Variants in MON2 observed in about 807,000 individuals in gnomAD.
MON2 encodes MON2 regulator of endosome-to-Golgi trafficking.
Under a neutral mutation model 208.6 loss-of-function variants are expected in MON2, and 84 were observed. That is an observed-to-expected ratio of 0.40 (90% CI 0.34 to 0.48). The LOEUF (loss-of-function observed/expected upper bound fraction) is 0.48. Ranked by LOEUF, MON2 falls within the 20% of genes least tolerant of loss-of-function variation. The pLI, the probability that MON2 is intolerant of heterozygous loss-of-function variation, is 0.59. For missense variants in MON2, 1,611 were observed against 2,015.4 expected (o/e 0.80, Z 3.84); for synonymous variants, 660 against 694.0 (o/e 0.95, Z 0.77).
At chr12:62,577,605 A>C (rs1202459442) in intron 30 of MON2, among the ~76,000 whole-genome samples, 1 of 152,074 alleles carries the variant, frequency 6.6e-6, no homozygotes. Context: ...TTGTGGCCTC[A>C]TCATTTACTT....
chr12:62,468,171 AC>A (rs1592782776), intron 1 of MON2, among the ~76,000 whole-genome samples: 2 of 150,874 alleles, frequency 1.3e-5, no homozygotes, highest in Admixed American at 6.6e-5. Context: ...AAAAAAACAA[AC>A]AAAAAAACCC....
rs1412880320 is a variant in MON2 at position 62,534,540 on chromosome 12, A to ATATATATATATATT, written c.1634-305_1634-304insTATATATATATATT. ...TCGCAAAAAAAAAAAAAAAAAAAAAAAAATATATATATATATATATATATA... is the reference window on the plus strand; with the variant it reads ...TCGCAAAAAAAAAAAAAAAAAAAAAATATATATATATATTAAATATATATATATATATATATATA... On this transcript the variant is annotated intron_variant, in intron 12 of 34. Coordinates refer to ENST00000393630, the MANE Select transcript of MON2 (RefSeq NM_015026.3). Among the ~76,000 whole-genome samples, 154 of 23,466 alleles carry ATATATATATATATT rather than the reference A, an allele frequency of 6.6e-3. 2 individuals are homozygous for ATATATATATATATT. Among genetic ancestry groups the ATATATATATATATT allele is most frequent in the African/African-American group, 0.026 (146 of 5,578 alleles). The allele number at this position is 23,466 out of a possible 152,430, so 15.4% of individuals were successfully genotyped here.
In MON2 at chr12:62,537,250, A is replaced by G. The variant is rs1156709816; in HGVS notation, c.2000A>G (p.Gln667Arg). The part of the protein sequence containing the change: ...AVGQPLAVQP[Q>R]GTVMLTSKNI... ...GGTCAACCTTTAGCAGTCCAGCCTC[A>G]AGGGACAGTAATGGTAATGTACTTG... is the stretch of plus-strand genomic sequence containing the variant. The change falls in exon 15 of 35, where the codon CAA becomes CGA. Residue 667 changes from glutamine to arginine, a missense_variant. Physicochemically the swap from Gln to Arg is conservative, Grantham distance 43. Coordinates refer to ENST00000393630, the MANE Select transcript of MON2 (RefSeq NM_015026.3). The G allele has an allele frequency of 6.2e-7, 1 of 1,604,432 alleles. No individual in the cohort carries two copies. Among genetic ancestry groups the G allele is most frequent in the African/African-American group, 1.3e-5 (1 of 74,804 alleles).
chr12:62,565,928 A>G (rs2074367718), intron 27 of MON2, 86 bp from the exon 28 acceptor site: 1 of 1,254,064 alleles, frequency 8.0e-7, no homozygotes, highest in Middle Eastern at 2.2e-4. Flanking sequence ...CATAAAAATT[A>G]TAATTTTATA....
At position 62,508,498 on chromosome 12, in the gene MON2, T is replaced by A. The variant is rs760494195; in HGVS notation, c.984+18T>A. On this transcript the variant is annotated intron_variant, in intron 8 of 34. Transcript: ENST00000393630. ...GTCTTTTGGTAAGTGCTAATTTCCT[T>A]ATGTATTTGTGTATATAGTTGCATG... The A allele has an allele frequency of 6.2e-7, 1 of 1,605,734 alleles. No individual in the cohort carries two copies.
intron 8 of MON2, among the ~76,000 whole-genome samples, chr12:62,512,942 C>T (rs544186208): frequency 3.3e-5 from 5 of 152,338 alleles, no homozygotes; most frequent in African/African-American, 9.6e-5. Flanking sequence ...GATGCTTGCA[C>T]CCTCTGAAGC....
chr12:62,524,287 A>G (rs1009032363), intron 8 of MON2, among the ~76,000 whole-genome samples: 9 of 152,132 alleles, frequency 5.9e-5, no homozygotes, highest in Non-Finnish European at 1.0e-4. Flanking sequence ...CAGATTACTA[A>G]TGTTTTCAGG....
rs189350041 is a variant in MON2 at position 62,526,154 on chromosome 12, T to C, written c.1400+52T>C. 2,107 of 1,537,242 alleles carry C rather than the reference T, an allele frequency of 1.4e-3. 1 individual carries two copies. The highest frequency in any genetic ancestry group is 1.8e-3 in the Non-Finnish European group (1,996 of 1,118,774). ...AGGAATGATGTTGTTGGGGGTGATA[T>C]TTAACCTAAAATTCTTCTCTATTGT... On this transcript the variant is annotated intron_variant, in intron 11 of 34. Coordinates refer to ENST00000393630, the MANE Select transcript of MON2 (RefSeq NM_015026.3).
intron 11 of MON2, among the ~76,000 whole-genome samples, chr12:62,531,668 C>T (rs777155859): frequency 5.9e-5 from 9 of 152,170 alleles, no homozygotes; most frequent in Non-Finnish European, 1.2e-4. Flanking sequence ...ACCTTGTTGG[C>T]AGATTGTATT....
chr12:62,582,377 CTGGGAAGCTTCACG>C (rs2075035582), intron 32 of MON2, among the ~76,000 whole-genome samples: 1 of 152,168 alleles, frequency 6.6e-6, no homozygotes. Flanking sequence ...TTTCCAACAC[CTGGGAAGCTTCACG>C]TGAGAGTCCT....
intron 24 of MON2, 133 bp downstream of exon 24, chr12:62,553,307 A>G: frequency 2.4e-6 from 2 of 827,098 alleles, no homozygotes; most frequent in South Asian, 4.0e-5. Context: ...AACAGGAAAT[A>G]ACTGTGTCAT....
Position 62,560,834 on chromosome 12 carries a change from A to T in MON2, c.3753A>T (p.Gly1251=), listed in dbSNP as rs1304705068. 1 of 1,613,996 alleles carries T rather than the reference A, an allele frequency of 6.2e-7. No individual in the cohort carries two copies. Among genetic ancestry groups the T allele is most frequent in the Non-Finnish European group, 8.5e-7 (1 of 1,180,014 alleles). ...WAAWNTWYRI[G]SESTKPPITF... is the part of the protein sequence containing the mutation. ...CGTGGAATACCTGGTATAGAATTGG[A>T]TCTGAAAGTACTAAGCCTCCTATTA... Residue 1251 remains glycine, a synonymous_variant, in exon 26 of 35, where the codon GGA becomes GGT. Transcript: ENST00000393630.
intron 1 of MON2, among the ~76,000 whole-genome samples, chr12:62,479,639 G>A (rs12230478): frequency 0.19 from 28,120 of 151,972 alleles, 3,001 homozygotes; most frequent in Middle Eastern, 0.25. Context: ...AAGATTAAGA[G>A]TAACATATTA....
chr12:62,566,104 G>A (rs906204122), intron 28 of MON2, 73 bp downstream of exon 28: 2 of 1,490,264 alleles, frequency 1.3e-6, no homozygotes, highest in Non-Finnish European at 1.8e-6. Flanking sequence ...GTTCTTGGTA[G>A]AATGCTGTAT....
chr12:62,514,530 C>A (rs1361144898), intron 8 of MON2, among the ~76,000 whole-genome samples: 1 of 152,154 alleles, frequency 6.6e-6, no homozygotes, highest in East Asian at 1.9e-4. Flanking sequence ...GAGAAACTCC[C>A]TTTTTAAAAC....
chr12:62,549,892 T>C, intron 23 of MON2, 62 bp downstream of exon 23: 1 of 1,127,192 alleles, frequency 8.9e-7, no homozygotes, highest in Non-Finnish European at 1.2e-6. Flanking sequence ...CAGTTGGGAG[T>C]GAATGCTAAG....
Position 62,598,439 on chromosome 12 carries a change from A to G in MON2, c.*5690A>G, listed in dbSNP as rs2075569081. The G allele has an allele frequency of 6.6e-6, 1 of 152,140 alleles. No individual in the cohort carries two copies. The highest frequency in any genetic ancestry group is 6.6e-5 in the Admixed American group (1 of 15,266). 9.4% of individuals were successfully genotyped at this position (152,140 alleles called of 1,614,324 possible). On this transcript the variant is annotated 3_prime_UTR_variant, in exon 35 of 35. Coordinates refer to ENST00000393630, the MANE Select transcript of MON2 (RefSeq NM_015026.3). ...TATGATGTTTACTAGATGGAGAAAA[A>G]TACTCCATACCTATATTGCAATTTT...
At chr12:62,522,521 A>T (rs186327879) in intron 8 of MON2, among the ~76,000 whole-genome samples, 2 of 152,368 alleles carry the variant, frequency 1.3e-5, no homozygotes, top group East Asian at 3.9e-4. Flanking sequence ...ATCTTAAGCC[A>T]TCAGATGTCT....
chr12:62,479,431 TCC>T (rs71083999), intron 1 of MON2, among the ~76,000 whole-genome samples: 60,060 of 117,104 alleles, frequency 0.51, 15,537 homozygotes, highest in African/African-American at 0.6. Flanking sequence ...TGTGTGTATA[TCC>T]CCCCCCCCCC....
Sources: gnomAD v4.1 joint callset for allele counts (sites outside exome capture counted in the v4.1 genomes callset) on GRCh38, gnomAD v4.1.1 for gene constraint, MANE v1.5 for transcripts, NCBI Gene and HGNC (gene_info 2026-07-23, HGNC 2026-07-21) for gene names.